Variants in MFSD6 observed in about 807,000 individuals in gnomAD.
The protein encoded by MFSD6 is major facilitator superfamily domain-containing protein 6.
Under a neutral mutation model 56.3 loss-of-function variants are expected in MFSD6, and 26 were observed. The observed-to-expected ratio is 0.46, with a 90% CI of 0.34 to 0.64. The LOEUF (loss-of-function observed/expected upper bound fraction) is 0.64, where lower values mean the gene tolerates loss of function less well. Among genes scored for constraint, MFSD6 ranks in the 30% least tolerant of loss-of-function variants. MFSD6 has a pLI of 0.01. For missense variants in MFSD6, 750 were observed against 986.2 expected (o/e 0.76, Z 3.21); for synonymous variants, 331 against 366.9 (o/e 0.90, Z 1.12).
rs955777221 is a variant in MFSD6 at position 190,426,265 on chromosome 2, A to G, written c.-53-9712A>G. ...ATTTTCTCTCTGTTCAGATTGTGTA[A>G]TTCCTATTGTTCTGTATCCCAATTC... On this transcript the variant is annotated intron_variant, in intron 2 of 7. Coordinates refer to ENST00000392328, the MANE Select transcript of MFSD6 (RefSeq NM_017694.4). This position sits in a 1 kb window ranked among gnomAD's most constrained non-coding sequence, Gnocchi z 4.7. Among the ~76,000 whole-genome samples the G allele has an allele frequency of 6.6e-6, 1 of 151,908 alleles. No homozygotes were observed. The highest frequency in any genetic ancestry group is 6.6e-5 in the Admixed American group (1 of 15,254).
In MFSD6 at chr2:190,500,667, T is replaced by G. The variant is rs958181895; in HGVS notation, c.*449T>G. 3.2e-5 allele frequency: 5 copies of G among 154,320 alleles called. No individual in the cohort carries two copies. The highest frequency in any genetic ancestry group is 1.2e-4 in the African/African-American group (5 of 41,520). 9.6% of individuals were successfully genotyped at this position (154,320 alleles called of 1,614,324 possible). A position where few individuals can be genotyped will look rare whatever the true frequency, so the allele number is the denominator to read the frequency against. On this transcript the variant is annotated 3_prime_UTR_variant, in exon 8 of 8. Coordinates refer to ENST00000392328, the MANE Select transcript of MFSD6 (RefSeq NM_017694.4). This position sits in a 1 kb window ranked among gnomAD's most constrained non-coding sequence, Gnocchi z 5.3. ...ATAGAATTCATCTATACTTTCTTTT[T>G]TCTTGGAGAGAACCGTTTAAAAAAT... is the stretch of plus-strand genomic sequence containing the variant.
chr2:190,412,715 G>C lies in MFSD6; in HGVS notation c.-175-2577G>C. The C allele has an allele frequency of 1.9e-5, 13 of 675,900 alleles. No individual in the cohort carries two copies. Among genetic ancestry groups the C allele is most frequent in the Non-Finnish European group, 2.2e-5 (12 of 547,550 alleles). The allele number at this position is 675,900 out of a possible 1,614,324, so 41.9% of individuals were successfully genotyped here. A position where few individuals can be genotyped will look rare whatever the true frequency, so the allele number is the denominator to read the frequency against. On this transcript the variant is annotated intron_variant, in intron 1 of 7. Coordinates refer to ENST00000392328, the MANE Select transcript of MFSD6 (RefSeq NM_017694.4). The surrounding 1 kb of genome is among the most constrained non-coding windows in gnomAD (Gnocchi z 4.1). ...TCCCATTTACTCTACTGGCATTTTG[G>C]GGGTGAGAGGGGCTTGTGTCAGCCT...
chr2:190,489,796 C>A lies in MFSD6; in HGVS notation c.1821C>A (p.Gly607=). 1 of 1,614,154 alleles carries A rather than the reference C, an allele frequency of 6.2e-7. No individual in the cohort carries two copies. Among genetic ancestry groups the A allele is most frequent in the Non-Finnish European group, 8.5e-7 (1 of 1,179,998 alleles). The change falls in exon 6 of 8, where the codon GGC becomes GGA. Residue 607 remains glycine (G), a synonymous_variant. Transcript: ENST00000392328. This position sits in a 1 kb window ranked among gnomAD's most constrained non-coding sequence, Gnocchi z 6.6. ...FGAAATFRGI[G]MACLVILLLF... The stretch of plus-strand genomic sequence containing the variant: ...CTGCTGCAACCTTCCGAGGAATTGG[C>A]ATGGCCTGCTTGGTGATCCTACTGC...
intron 2 of MFSD6, among the ~76,000 whole-genome samples, chr2:190,428,644 G>C (rs1575827612): frequency 7.2e-6 from 1 of 138,942 alleles, no homozygotes; most frequent in African/African-American, 2.7e-5. Context: ...CAAACATTTA[G>C]AGATGCTTGC....
In MFSD6 at chr2:190,434,131, T is replaced by C. The variant is rs868361849; in HGVS notation, c.-53-1846T>C. Among the ~76,000 whole-genome samples the C allele has an allele frequency of 1.1e-4, 16 of 145,436 alleles. No homozygotes were observed. Among genetic ancestry groups the C allele is most frequent in the Admixed American group, 3.6e-4 (5 of 14,076 alleles). On this transcript the variant is annotated intron_variant, in intron 2 of 7. Coordinates refer to ENST00000392328, the MANE Select transcript of MFSD6 (RefSeq NM_017694.4). The surrounding 1 kb of genome is among the most constrained non-coding windows in gnomAD (Gnocchi z 4.3). ...CTGGGAGGTTGAGGCTGCAGTGCCA[T>C]AATTACACCACTGCACTCCAGCCTG...
chr2:190,462,577 G>C lies in MFSD6; in HGVS notation c.1533-7181G>C, dbSNP rs1222470683. On this transcript the variant is annotated intron_variant, in intron 3 of 7. Coordinates refer to ENST00000392328, the MANE Select transcript of MFSD6 (RefSeq NM_017694.4). The surrounding 1 kb of genome is among the most constrained non-coding windows in gnomAD (Gnocchi z 5.7). ...GAAGACATGGCCGTTGTCTCCCAGG[G>C]TCTCAGTCTTCAGTGTGCAACAGAC... Among the ~76,000 whole-genome samples the C allele has an allele frequency of 6.6e-6, 1 of 152,130 alleles. No homozygotes were observed. Among genetic ancestry groups the C allele is most frequent in the Non-Finnish European group, 1.5e-5 (1 of 68,026 alleles).
chr2:190,409,414 C>T (rs1690461187), intron 1 of MFSD6, among the ~76,000 whole-genome samples: 1 of 152,052 alleles, frequency 6.6e-6, no homozygotes, highest in South Asian at 2.1e-4. Context: ...CATATAATAC[C>T]TTGCTTATTA....
In MFSD6 at chr2:190,413,699, G is replaced by A. The variant is rs1372088598; in HGVS notation, c.-175-1593G>A. On this transcript the variant is annotated intron_variant, in intron 1 of 7. Transcript: ENST00000392328. This position sits in a 1 kb window ranked among gnomAD's most constrained non-coding sequence, Gnocchi z 4.1. ...CCAAAGGAAAGTGAGTGGCGAGCCTGGACTGGTAGTTAGCAGTCTGTGTTG... is the reference window on the plus strand; with the variant it reads ...CCAAAGGAAAGTGAGTGGCGAGCCTAGACTGGTAGTTAGCAGTCTGTGTTG... Among the ~76,000 whole-genome samples the A allele has an allele frequency of 6.6e-6, 1 of 152,182 alleles. No individual in the cohort carries two copies. The highest frequency in any genetic ancestry group is 1.9e-4 in the East Asian group (1 of 5,200).
rs1283608618 is a variant in MFSD6 at position 190,497,345 on chromosome 2, T to A, written c.1892-94T>A. 7.3e-7 allele frequency: 1 copy of A among 1,371,302 alleles called. No homozygotes were observed. Among genetic ancestry groups the A allele is most frequent in the African/African-American group, 1.5e-5 (1 of 68,914 alleles). 84.9% of individuals were successfully genotyped at this position (1,371,302 alleles called of 1,614,324 possible). A position where few individuals can be genotyped will look rare whatever the true frequency, so the allele number is the denominator to read the frequency against. On this transcript the variant is annotated intron_variant, in intron 6 of 7. Transcript: ENST00000392328. This position sits in a 1 kb window ranked among gnomAD's most constrained non-coding sequence, Gnocchi z 5.2. ...ATATTATCAAGCACTCTGGAATGGG[T>A]ATATGGGATTCTTGGTTTATTTATT...
At chr2:190,464,308 G>A (rs1226328962) in intron 3 of MFSD6, among the ~76,000 whole-genome samples, 1 of 152,082 alleles carries the variant, frequency 6.6e-6, no homozygotes, top group Non-Finnish European at 1.5e-5. Context: ...TTCTCTGCCA[G>A]GGGCTTTGCA....
In MFSD6 at chr2:190,417,316, G is replaced by A. The variant is rs996779886; in HGVS notation, c.-54+1903G>A. On this transcript the variant is annotated intron_variant, in intron 2 of 7. Coordinates refer to ENST00000392328, the MANE Select transcript of MFSD6 (RefSeq NM_017694.4). The surrounding 1 kb of genome is among the most constrained non-coding windows in gnomAD (Gnocchi z 5.7). ...AAGTTCAAATGTTGGGAAATCCTTA[G>A]CAAGGTCACAGTAGCAAAACCCTGC... 1.3e-5 allele frequency among the ~76,000 whole-genome samples: 2 copies of A among 152,194 alleles called. No individual in the cohort carries two copies. The highest frequency in any genetic ancestry group is 4.8e-5 in the African/African-American group (2 of 41,452).
In MFSD6 at chr2:190,487,210, G is replaced by A. The variant is rs551551308; in HGVS notation, c.1631-1447G>A. On this transcript the variant is annotated intron_variant, in intron 4 of 7. Transcript: ENST00000392328. The surrounding 1 kb of genome is among the most constrained non-coding windows in gnomAD (Gnocchi z 5.5). Reference sequence around the variant, plus strand: ...ACAAAAATTAGCTGGGGGTGGTGGCGGGCACTTGTAGTCCCAGCTACTTGG... The same window carrying A: ...ACAAAAATTAGCTGGGGGTGGTGGCAGGCACTTGTAGTCCCAGCTACTTGG... Among the ~76,000 whole-genome samples the A allele has an allele frequency of 4.9e-4, 75 of 152,106 alleles. 1 individual carries two copies. Among genetic ancestry groups the A allele is most frequent in the Non-Finnish European group, 5.0e-4 (34 of 67,980 alleles).
chr2:190,426,679 G>A lies in MFSD6; in HGVS notation c.-53-9298G>A, dbSNP rs1006567894. On this transcript the variant is annotated intron_variant, in intron 2 of 7. Coordinates refer to ENST00000392328, the MANE Select transcript of MFSD6 (RefSeq NM_017694.4). This position sits in a 1 kb window ranked among gnomAD's most constrained non-coding sequence, Gnocchi z 4.7. ...CAGTGTCTATTATTTCCAAATGATG[G>A]TTGTTTTCAAAATGGTTGTCATTCC... Among the ~76,000 whole-genome samples the A allele has an allele frequency of 1.3e-5, 2 of 152,048 alleles. No individual in the cohort carries two copies. Among genetic ancestry groups the A allele is most frequent in the Non-Finnish European group, 2.9e-5 (2 of 68,022 alleles).
At position 190,437,058 on chromosome 2, in the gene MFSD6, C is replaced by T. The variant is rs1285844610; in HGVS notation, c.1029C>T (p.Gly343=). ...GGGGCCTGGCGATGCTGTCTGTGGG[C>T]ATCGGGATCGACTACACCCACATCG... ...LGWGLAMLSV[G]IGIDYTHIEV... The change falls in exon 3 of 8, where the codon GGC becomes GGT. Residue 343 remains glycine, a synonymous_variant. Coordinates refer to ENST00000392328, the MANE Select transcript of MFSD6 (RefSeq NM_017694.4). The surrounding 1 kb of genome is among the most constrained non-coding windows in gnomAD (Gnocchi z 5.9). 1 of 1,614,094 alleles carries T rather than the reference C, an allele frequency of 6.2e-7. No homozygotes were observed. The highest frequency in any genetic ancestry group is 2.2e-5 in the East Asian group (1 of 44,896).
rs555743575 is a variant in MFSD6 at position 190,495,030 on chromosome 2, C to A, written c.1892-2409C>A. Among the ~76,000 whole-genome samples, 1 of 152,250 alleles carries A rather than the reference C, an allele frequency of 6.6e-6. No homozygotes were observed. Among genetic ancestry groups the A allele is most frequent in the Non-Finnish European group, 1.5e-5 (1 of 67,996 alleles). On this transcript the variant is annotated intron_variant, in intron 6 of 7. Coordinates refer to ENST00000392328, the MANE Select transcript of MFSD6 (RefSeq NM_017694.4). The surrounding 1 kb of genome is among the most constrained non-coding windows in gnomAD (Gnocchi z 4.7). Reference sequence around the variant, plus strand: ...TCAGACAAGAGAAGGAAATAAAGGGCATCCAAATAGGTAAAGAGGAAGTCA... The same window carrying A: ...TCAGACAAGAGAAGGAAATAAAGGGAATCCAAATAGGTAAAGAGGAAGTCA...
rs1255466859 is a variant in MFSD6, at chr2:190,465,062, T to C, written c.1533-4696T>C. ...CTCTTGAAAAAAATACCAGTTTTATTATAAGATAACCACAAATCAGCTTAA... is the reference window on the plus strand; with the variant it reads ...CTCTTGAAAAAAATACCAGTTTTATCATAAGATAACCACAAATCAGCTTAA... On this transcript the variant is annotated intron_variant, in intron 3 of 7. Coordinates refer to ENST00000392328, the MANE Select transcript of MFSD6 (RefSeq NM_017694.4). The surrounding 1 kb of genome is among the most constrained non-coding windows in gnomAD (Gnocchi z 4.6). The C allele has an allele frequency of 1.3e-5, 4 of 310,466 alleles. No homozygotes were observed. Among genetic ancestry groups the C allele is most frequent in the Non-Finnish European group, 1.9e-5 (4 of 212,208 alleles). The allele number at this position is 310,466 out of a possible 1,614,324, so 19.2% of individuals were successfully genotyped here.
chr2:190,436,861 G>T lies in MFSD6; in HGVS notation c.832G>T (p.Val278Phe). Reference protein sequence around the residue: ...KSLPSDQVMLVYDQQEVEAIF... With the variant: ...KSLPSDQVMLFYDQQEVEAIF... ...TTTACCTTCTGACCAAGTCATGCTTGTTTATGATCAACAAGAAGTTGAAGC... is the reference window on the plus strand; with the variant it reads ...TTTACCTTCTGACCAAGTCATGCTTTTTTATGATCAACAAGAAGTTGAAGC... The change falls in exon 3 of 8, where the codon GTT (valine) becomes TTT (phenylalanine). Residue 278 changes from valine to phenylalanine, a missense_variant. Val to Phe is a conservative substitution (Grantham distance 50). Transcript: ENST00000392328. The surrounding 1 kb of genome is among the most constrained non-coding windows in gnomAD (Gnocchi z 5.3). 4.3e-6 allele frequency: 7 copies of T among 1,614,230 alleles called. No homozygotes were observed. Among genetic ancestry groups the T allele is most frequent in the Non-Finnish European group, 5.1e-6 (6 of 1,180,050 alleles).
rs1553519571 is a variant in MFSD6 at position 190,455,000 on chromosome 2, A to ATGTAT, written c.1533-14758_1533-14757insTGTAT. On this transcript the variant is annotated intron_variant, in intron 3 of 7. Coordinates refer to ENST00000392328, the MANE Select transcript of MFSD6 (RefSeq NM_017694.4). The surrounding 1 kb of genome is among the most constrained non-coding windows in gnomAD (Gnocchi z 4.6). ...TATGTATATGTATATGTATATGTAT[A>ATGTAT]ATGTATATGTATATGTATATGTGTG... 0.087 allele frequency among the ~76,000 whole-genome samples: 4,067 copies of ATGTAT among 46,508 alleles called. 106 individuals carry two copies. The highest frequency in any genetic ancestry group is 0.13 in the East Asian group (172 of 1,310). The allele number at this position is 46,508 out of a possible 152,430, so 30.5% of individuals were successfully genotyped here.
In MFSD6 at chr2:190,476,667, C is replaced by T. The variant is rs530956414; in HGVS notation, c.1630+6812C>T. ...GTGGCGATTCCTCAGGGATCTAGAA[C>T]TAGAAATACCATTTGATCCAGCAAT... On this transcript the variant is annotated intron_variant, in intron 4 of 7. Coordinates refer to ENST00000392328, the MANE Select transcript of MFSD6 (RefSeq NM_017694.4). 7.6e-4 allele frequency among the ~76,000 whole-genome samples: 116 copies of T among 152,234 alleles called. 1 individual carries two copies. Among genetic ancestry groups the T allele is most frequent in the African/African-American group, 2.6e-3 (110 of 41,532 alleles).
Sources: gnomAD v4.1 joint callset for allele counts (sites outside exome capture counted in the v4.1 genomes callset) on GRCh38, gnomAD v4.1.1 for gene constraint, Gnocchi (gnomAD v3.1) non-coding constraint, MANE v1.5 for transcripts, NCBI Gene and HGNC (gene_info 2026-07-23, HGNC 2026-07-21) for gene names.